Variants in CLTCL1 observed in about 807,000 individuals in gnomAD.
CLTCL1 encodes clathrin heavy chain like 1.
A neutral mutation model predicts 190.0 loss-of-function variants in CLTCL1; 159 were observed. That is an observed-to-expected ratio of 0.84 (90% CI 0.74 to 0.95). The LOEUF (loss-of-function observed/expected upper bound fraction) is 0.95. CLTCL1 is among the 40% of genes least tolerant of loss of function. The pLI, the probability that CLTCL1 is intolerant of heterozygous loss-of-function variation, is 0.00. For synonymous variants in CLTCL1, 752 were observed against 769.6 expected, an observed-to-expected ratio of 0.98 and a Z score of 0.38; for missense variants, 1,878 against 2,033.4, an observed-to-expected ratio of 0.92 and a Z score of 1.47.
At chr22:19,236,560 CA>C (rs1356201906) in intron 5 of CLTCL1, among the ~76,000 whole-genome samples, 5 of 152,108 alleles carry the variant, frequency 3.3e-5, no homozygotes, top group African/African-American at 1.2e-4. Context: ...TATATTAAAA[CA>C]GACAGTAATT....
intron 27 of CLTCL1, among the ~76,000 whole-genome samples, chr22:19,188,507 G>A (rs1040788858): frequency 2.0e-5 from 3 of 152,128 alleles, no homozygotes; most frequent in African/African-American, 7.2e-5. Context: ...AGCCTTCAGT[G>A]ACTCGTAATC....
At chr22:19,210,806 C>A (rs1230512493) in intron 19 of CLTCL1, among the ~76,000 whole-genome samples, 1 of 152,134 alleles carries the variant, frequency 6.6e-6, no homozygotes, top group Admixed American at 6.6e-5. Context: ...TGTAGAGGTA[C>A]CTATTTTCCT....
chr22:19,194,512 G>A (rs1309601087), intron 26 of CLTCL1, among the ~76,000 whole-genome samples: 1 of 152,134 alleles, frequency 6.6e-6, no homozygotes, highest in Non-Finnish European at 1.5e-5. Flanking sequence ...AAAAAAAGAA[G>A]AGAAAACTGA....
intron 1 of CLTCL1, among the ~76,000 whole-genome samples, chr22:19,280,636 C>T (rs1204900498): frequency 2.0e-5 from 3 of 151,382 alleles, no homozygotes; most frequent in Non-Finnish European, 2.9e-5. Context: ...CTGGCCAACA[C>T]GGTGAAACCC....
intron 27 of CLTCL1, 133 bp downstream of exon 27, chr22:19,191,171 C>T: frequency 3.9e-6 from 4 of 1,022,242 alleles, no homozygotes; most frequent in Non-Finnish European, 5.7e-6. Flanking sequence ...ACCTAAAACA[C>T]TTTGATACAC....
At chr22:19,180,145 C>A in intron 32 of CLTCL1, 54 bp downstream of exon 32, 1 of 1,528,790 alleles carries the variant, frequency 6.5e-7, no homozygotes, top group South Asian at 1.1e-5. Context: ...GTGGGGTCAG[C>A]CAGAGAACCT....
chr22:19,209,170 C>A (rs712955), intron 20 of CLTCL1, 56 bp from the exon 21 acceptor site: 94,878 of 1,467,254 alleles, frequency 0.065, 3,302 homozygotes, highest in Middle Eastern at 0.11. Flanking sequence ...CTCCAAAAAA[C>A]AGACACATTT....
At chr22:19,289,278 C>T (rs1343308917) in intron 1 of CLTCL1, among the ~76,000 whole-genome samples, 1 of 152,154 alleles carries the variant, frequency 6.6e-6, no homozygotes, top group Non-Finnish European at 1.5e-5. Flanking sequence ...CCACCATGCT[C>T]GGCCTGATTT....
intron 1 of CLTCL1, among the ~76,000 whole-genome samples, chr22:19,289,555 T>C (rs926680082): frequency 1.3e-4 from 20 of 152,098 alleles, no homozygotes; most frequent in Admixed American, 1.2e-3. Flanking sequence ...CATCCAGCTA[T>C]GAGACAAGAG....
chr22:19,221,566 GCCTT>G lies in CLTCL1; in HGVS notation c.2603_2606del (p.Glu868AlafsTer26). 1 of 1,601,140 alleles carries G rather than the reference GCCTT, an allele frequency of 6.2e-7. No homozygotes were observed. On this transcript the variant is annotated frameshift_variant, in exon 17 of 33. Coordinates refer to ENST00000427926, the MANE Select transcript of CLTCL1 (RefSeq NM_007098.4). LOFTEE classifies it high-confidence loss of function. ...CATTGTGAGTGGCAGGCTCCTCACAGCCTTCCTGAATCTGGGACTCCAGCCAGGG... is the reference window on the plus strand; with the variant it reads ...CATTGTGAGTGGCAGGCTCCTCACAGCCTGAATCTGGGACTCCAGCCAGGG...
At chr22:19,220,072 C>T (rs368901673) in intron 17 of CLTCL1, 65 bp from the exon 18 acceptor site, 31 of 1,603,254 alleles carry the variant, frequency 1.9e-5, no homozygotes, top group East Asian at 2.2e-5. Flanking sequence ...TGGGAGGACA[C>T]ACCCCAATTC....
At chr22:19,252,142 TG>T (rs1175694802) in intron 3 of CLTCL1, among the ~76,000 whole-genome samples, 3 of 152,244 alleles carry the variant, frequency 2.0e-5, no homozygotes, top group African/African-American at 7.2e-5. Context: ...TACATGGTTT[TG>T]TTCCTGTATC....
intron 19 of CLTCL1, among the ~76,000 whole-genome samples, chr22:19,214,525 C>G (rs2085325918): frequency 6.6e-6 from 1 of 151,990 alleles, no homozygotes; most frequent in Admixed American, 6.6e-5. Flanking sequence ...TCTCATTTGT[C>G]CATCTTCTTT....
At position 19,183,542 on chromosome 22, in the gene CLTCL1, C is replaced by T. The variant is rs782289186; in HGVS notation, c.4675G>A (p.Glu1559Lys). 6 of 1,613,714 alleles carry T rather than the reference C, an allele frequency of 3.7e-6. No homozygotes were observed. The highest frequency in any genetic ancestry group is 1.6e-4 in the Middle Eastern group (1 of 6,084). Residue 1559 changes from glutamate to lysine, a missense_variant, in exon 30 of 33, where the codon GAG (glutamate) becomes AAG (lysine). Physicochemically the swap from Glu to Lys is moderately conservative, Grantham distance 56. Transcript: ENST00000427926. ...GCGAAGCACTCCCTCTTGCCTTCCT[C>T]CAGGAACCACTGCAGCAACTTCTGG... Reference protein sequence around the residue: ...LAQKLLQWFLEEGKRECFAAC... With the variant: ...LAQKLLQWFLKEGKRECFAAC...
intron 29 of CLTCL1, among the ~76,000 whole-genome samples, chr22:19,185,326 C>CTTTTT (rs58151537): frequency 2.1e-5 from 3 of 143,882 alleles, no homozygotes; most frequent in Non-Finnish European, 3.0e-5. Context: ...CGGCCACTTT[C>CTTTTT]TTTTTTTTTT....
At chr22:19,226,472 T>A in intron 11 of CLTCL1, 89 bp from the exon 12 acceptor site, 1 of 1,467,410 alleles carries the variant, frequency 6.8e-7, no homozygotes, top group Non-Finnish European at 9.4e-7. Flanking sequence ...GGGTAGGGTA[T>A]AGCCTGGCAA....
Position 19,195,673 on chromosome 22 carries a change from ACT to A in CLTCL1, c.4191+591_4191+592del, listed in dbSNP as rs1263709065. On this transcript the variant is annotated intron_variant, in intron 26 of 32. Transcript: ENST00000427926. ...GGAGAGGGGTGGGTCCTGAGGTTGAACTCTCTAAGAGACCGGAAACAAAATAA... is the reference window on the plus strand; with the variant it reads ...GGAGAGGGGTGGGTCCTGAGGTTGAACTCTAAGAGACCGGAAACAAAATAA... Among the ~76,000 whole-genome samples, 5 of 152,002 alleles carry A rather than the reference ACT, an allele frequency of 3.3e-5. No individual in the cohort carries two copies. In the South Asian group the frequency reaches 1.0e-3, roughly 32 times the overall value.
intron 27 of CLTCL1, among the ~76,000 whole-genome samples, chr22:19,190,536 T>C (rs1162059466): frequency 3.5e-5 from 5 of 143,612 alleles, no homozygotes; most frequent in Admixed American, 3.0e-4. Context: ...GAGTTCAAGG[T>C]TGCAGTGAGG....
chr22:19,210,628 C>A (rs1265920961), intron 19 of CLTCL1, 119 bp from the exon 20 acceptor site: 3 of 671,134 alleles, frequency 4.5e-6, no homozygotes, highest in Non-Finnish European at 5.0e-6. Context: ...AATATACACA[C>A]ACATAACTGC....
Sources: gnomAD v4.1 joint callset for allele counts (sites outside exome capture counted in the v4.1 genomes callset) on GRCh38, gnomAD v4.1.1 for gene constraint, MANE v1.5 for transcripts, NCBI Gene and HGNC (gene_info 2026-07-23, HGNC 2026-07-21) for gene names.